Variants in AGBL1 observed in about 807,000 individuals in gnomAD.
AGBL1 encodes the protein cytosolic carboxypeptidase 4.
AGBL1 carries 130 observed loss-of-function variants against 118.9 expected under a neutral mutation model. The observed-to-expected ratio is 1.09, with a 90% CI of 0.95 to 1.26. The LOEUF (loss-of-function observed/expected upper bound fraction) is 1.26, where lower values mean the gene tolerates loss of function less well. Among genes scored for constraint, AGBL1 ranks in the 50% most tolerant of loss-of-function variants. AGBL1 has a pLI of 0.00. For synonymous variants in AGBL1, 555 were observed against 478.9 expected, an observed-to-expected ratio of 1.16 and a Z score of -2.08; for missense variants, 1,584 against 1,298.1, an observed-to-expected ratio of 1.22 and a Z score of -3.38.
At chr15:86,231,627 C>A (rs1392189082) in intron 6 of AGBL1, among the ~76,000 whole-genome samples, 2 of 152,180 alleles carry the variant, frequency 1.3e-5, no homozygotes, top group Non-Finnish European at 1.5e-5. Flanking sequence ...GTATGTCAGG[C>A]ACTCTATACA....
chr15:86,960,845 C>T (rs1009039471), intron 23 of AGBL1, among the ~76,000 whole-genome samples: 5 of 151,912 alleles, frequency 3.3e-5, no homozygotes, highest in Non-Finnish European at 5.9e-5. Context: ...GAAAAACAAA[C>T]GCTGCATAAT....
intron 18 of AGBL1, among the ~76,000 whole-genome samples, chr15:86,468,464 G>C (rs150745513): frequency 6.6e-6 from 1 of 152,258 alleles, no homozygotes; most frequent in African/African-American, 2.4e-5. Flanking sequence ...CCCTCATTTT[G>C]ATTCAGGCTA....
intron 24 of AGBL1, among the ~76,000 whole-genome samples, chr15:86,995,347 C>G (rs1173206079): frequency 6.6e-6 from 1 of 152,152 alleles, no homozygotes; most frequent in Non-Finnish European, 1.5e-5. Flanking sequence ...GATGGTGCCA[C>G]TGTACTCCAG....
intron 23 of AGBL1, among the ~76,000 whole-genome samples, chr15:86,955,530 GA>G (rs2080920535): frequency 6.6e-6 from 1 of 151,624 alleles, no homozygotes; most frequent in African/African-American, 2.4e-5. Flanking sequence ...AATAGAGAAA[GA>G]AATCAAAAAA....
chr15:86,933,217 G>C (rs569766824), intron 23 of AGBL1, among the ~76,000 whole-genome samples: 10 of 152,270 alleles, frequency 6.6e-5, no homozygotes, highest in African/African-American at 2.2e-4. Flanking sequence ...TTACAGGCTG[G>C]CTGTCCCTGT....
intron 21 of AGBL1, among the ~76,000 whole-genome samples, chr15:86,581,458 T>C (rs2084171328): frequency 6.6e-6 from 1 of 152,180 alleles, no homozygotes; most frequent in South Asian, 2.1e-4. Flanking sequence ...AAGGATGGGT[T>C]GTTTATTTTG....
At chr15:86,800,508 A>G (rs1401940269) in intron 22 of AGBL1, among the ~76,000 whole-genome samples, 1 of 152,082 alleles carries the variant, frequency 6.6e-6, no homozygotes, top group African/African-American at 2.4e-5. Flanking sequence ...CCATAAGTCT[A>G]TTTGGTGTTC....
intron 17 of AGBL1, among the ~76,000 whole-genome samples, chr15:86,363,202 G>C (rs2080832551): frequency 6.6e-6 from 1 of 152,022 alleles, no homozygotes; most frequent in African/African-American, 2.4e-5. Flanking sequence ...TCCTACAAAG[G>C]CACTTTTGTC....
Position 86,839,234 on chromosome 15 carries a change from G to C in AGBL1, c.3159-67853G>C, listed in dbSNP as rs971729688. Among the ~76,000 whole-genome samples the C allele has an allele frequency of 5.9e-5, 9 of 152,174 alleles. No homozygotes were observed. In the East Asian group the frequency reaches 1.7e-3, roughly 29 times the overall value. On this transcript the variant is annotated intron_variant, in intron 22 of 22. Coordinates refer to ENST00000614907, the MANE Select transcript of AGBL1 (RefSeq NM_001386094.1). ...ACCAAATTCTGGGACAGAGCAACTT[G>C]TTCTCTGAAAAGCCATGAATGAGGA... is the stretch of plus-strand genomic sequence containing the variant.
At chr15:86,514,806 A>G (rs2083098620) in intron 18 of AGBL1, among the ~76,000 whole-genome samples, 1 of 152,144 alleles carries the variant, frequency 6.6e-6, no homozygotes, top group African/African-American at 2.4e-5. Context: ...GCACAAAGGA[A>G]TAAATGCATG....
chr15:86,634,736 AAG>A (rs1475971176), intron 21 of AGBL1, among the ~76,000 whole-genome samples: 2 of 152,200 alleles, frequency 1.3e-5, no homozygotes, highest in Admixed American at 6.5e-5. Context: ...CATCATAAAA[AAG>A]AAAAATGTGC....
intron 6 of AGBL1, among the ~76,000 whole-genome samples, chr15:86,235,425 T>C (rs1292481490): frequency 2.0e-5 from 3 of 151,980 alleles, no homozygotes; most frequent in Non-Finnish European, 4.4e-5. Context: ...GGTTGATGAG[T>C]TCTAAATGTC....
chr15:86,263,063 A>G (rs1250076948), intron 10 of AGBL1, among the ~76,000 whole-genome samples, 169 bp downstream of exon 10: 4 of 152,356 alleles, frequency 2.6e-5, no homozygotes. Flanking sequence ...GTGGGAAAAG[A>G]TGGCAAAAAT....
At chr15:86,201,739 G>T (rs2077910370) in intron 5 of AGBL1, among the ~76,000 whole-genome samples, 1 of 152,176 alleles carries the variant, frequency 6.6e-6, no homozygotes. Context: ...AGGACCCCTT[G>T]GGAATCTAGG....
At chr15:86,689,611 T>C (rs1381267990) in intron 22 of AGBL1, among the ~76,000 whole-genome samples, 2 of 152,240 alleles carry the variant, frequency 1.3e-5, no homozygotes, top group African/African-American at 4.8e-5. Flanking sequence ...AATACGCTGA[T>C]TAATGGATAT....
At chr15:86,430,209 T>C (rs539660488) in intron 18 of AGBL1, among the ~76,000 whole-genome samples, 1 of 152,274 alleles carries the variant, frequency 6.6e-6, no homozygotes, top group Admixed American at 6.5e-5. Context: ...ATTAAAGATA[T>C]ATCTCAGCCA....
At chr15:86,796,119 C>T (rs1365746968) in intron 22 of AGBL1, among the ~76,000 whole-genome samples, 2 of 152,062 alleles carry the variant, frequency 1.3e-5, no homozygotes. Context: ...AACTTGGGCC[C>T]AGATGAATGA....
chr15:86,242,247 C>T (rs1480560763), intron 6 of AGBL1, among the ~76,000 whole-genome samples: 1 of 151,938 alleles, frequency 6.6e-6, no homozygotes, highest in African/African-American at 2.4e-5. Flanking sequence ...ATACATTTGT[C>T]CGTAGCAATA....
chr15:86,198,546 C>T (rs1490556755), intron 5 of AGBL1, among the ~76,000 whole-genome samples: 1 of 152,032 alleles, frequency 6.6e-6, no homozygotes, highest in East Asian at 1.9e-4. Context: ...TGCCCTAATC[C>T]CCAATGTGAT....
Sources: allele counts gnomAD v4.1 joint callset (sites outside exome capture counted in the v4.1 genomes callset), GRCh38; gene constraint gnomAD v4.1.1; transcripts MANE v1.5; gene names NCBI Gene and HGNC (gene_info 2026-07-23, HGNC 2026-07-21).